MYOZ2: variants seen among roughly 807,000 people sequenced by gnomAD.
MYOZ2 encodes myozenin 2.
Under a neutral mutation model 25.4 loss-of-function variants are expected in MYOZ2, and 19 were observed. The ratio of observed to expected loss-of-function variants is 0.75; its 90% CI spans 0.52 to 1.10. MYOZ2 has a LOEUF of 1.10. Among genes scored for constraint, MYOZ2 ranks in the 50% least tolerant of loss-of-function variants. MYOZ2 has a pLI of 0.00. For synonymous variants in MYOZ2, 92 were observed against 106.9 expected (o/e 0.86, Z 0.86); for missense variants, 270 against 317.9 (o/e 0.85, Z 1.15).
chr4:119,171,780 G>C (rs1436695799), intron 5 of MYOZ2, among the ~76,000 whole-genome samples: 2 of 148,380 alleles, frequency 1.3e-5, no homozygotes, highest in Admixed American at 6.8e-5. Context: ...ACTTTATTCT[G>C]ATATATCTAT....
At chr4:119,185,075 C>T (rs1742261852) in intron 5 of MYOZ2, among the ~76,000 whole-genome samples, 1 of 152,072 alleles carries the variant, frequency 6.6e-6, no homozygotes, top group African/African-American at 2.4e-5. Flanking sequence ...TTTTATTTTC[C>T]TTTTCTTTCC....
At chr4:119,159,079 A>G (rs887853025) in intron 4 of MYOZ2, among the ~76,000 whole-genome samples, 2 of 152,182 alleles carry the variant, frequency 1.3e-5, no homozygotes, top group Admixed American at 1.3e-4. Context: ...CCATAAATAT[A>G]TACACCTATT....
intron 2 of MYOZ2, among the ~76,000 whole-genome samples, chr4:119,146,556 T>C (rs1048076491): frequency 6.6e-6 from 1 of 152,150 alleles, no homozygotes; most frequent in African/African-American, 2.4e-5. Context: ...CTGTTACTAA[T>C]TTCTAGTTCG....
At chr4:119,166,863 C>A (rs1001032481) in intron 5 of MYOZ2, among the ~76,000 whole-genome samples, 6 of 152,168 alleles carry the variant, frequency 3.9e-5, no homozygotes, top group Non-Finnish European at 8.8e-5. Flanking sequence ...ATGAACCATG[C>A]CCATGTAAAA....
At chr4:119,177,379 A>G (rs1578370269) in intron 5 of MYOZ2, among the ~76,000 whole-genome samples, 1 of 152,220 alleles carries the variant, frequency 6.6e-6, no homozygotes, top group Non-Finnish European at 1.5e-5. Flanking sequence ...ATTACCACAA[A>G]TCTCAGCACT....
At chr4:119,160,385 G>A (rs909166584) in intron 4 of MYOZ2, among the ~76,000 whole-genome samples, 1 of 151,544 alleles carries the variant, frequency 6.6e-6, no homozygotes, top group African/African-American at 2.4e-5. Flanking sequence ...ATACAATTTA[G>A]TGCTGTCATT....
intron 2 of MYOZ2, among the ~76,000 whole-genome samples, chr4:119,146,948 C>T (rs1741314560): frequency 6.6e-6 from 1 of 152,066 alleles, no homozygotes; most frequent in South Asian, 2.1e-4. Context: ...TGGATTCGCA[C>T]TTTAATCATT....
At chr4:119,138,276 T>C (rs1210312738) in intron 2 of MYOZ2, among the ~76,000 whole-genome samples, 1 of 152,170 alleles carries the variant, frequency 6.6e-6, no homozygotes, top group Non-Finnish European at 1.5e-5. Flanking sequence ...TCTGTCTTTG[T>C]TGGAATGTCA....
intron 2 of MYOZ2, among the ~76,000 whole-genome samples, chr4:119,150,369 G>A (rs1242196884): frequency 1.3e-5 from 2 of 152,032 alleles, no homozygotes; most frequent in Non-Finnish European, 2.9e-5. Flanking sequence ...CTTATCATCT[G>A]CCTACTTTAT....
chr4:119,141,641 C>G (rs903304371), intron 2 of MYOZ2, among the ~76,000 whole-genome samples: 1 of 152,178 alleles, frequency 6.6e-6, no homozygotes, highest in Non-Finnish European at 1.5e-5. Flanking sequence ...CTCAGCCTCC[C>G]AAAGTGCTGG....
At chr4:119,175,490 G>C (rs1055775339) in intron 5 of MYOZ2, among the ~76,000 whole-genome samples, 2 of 152,194 alleles carry the variant, frequency 1.3e-5, no homozygotes, top group African/African-American at 4.8e-5. Context: ...GCCAGGTGCA[G>C]TGGGTCACAC....
chr4:119,170,334 T>TA (rs1244293915), intron 5 of MYOZ2, among the ~76,000 whole-genome samples: 1 of 151,496 alleles, frequency 6.6e-6, no homozygotes, highest in Non-Finnish European at 1.5e-5. Context: ...GTCCTCATGC[T>TA]AAAAAAAATT....
chr4:119,164,089 GA>G, intron 4 of MYOZ2, 121 bp from the exon 5 acceptor site: 1 of 926,814 alleles, frequency 1.1e-6, no homozygotes, highest in Non-Finnish European at 1.7e-6. Flanking sequence ...AAGGGATCAT[GA>G]AAAGGATGCA....
Position 119,163,531 on chromosome 4 carries a change from GAAAA to G in MYOZ2, c.377-679_377-676del, listed in dbSNP as rs1741752817. On this transcript the variant is annotated intron_variant, in intron 4 of 5. Coordinates refer to ENST00000307128, the MANE Select transcript of MYOZ2 (RefSeq NM_016599.5). The stretch of plus-strand genomic sequence containing the variant: ...CCGTGACTTTTAAACAGTATTTACA[GAAAA>G]TTCCCAGCTGTTATGGGAAGAATAA... 2.0e-5 allele frequency among the ~76,000 whole-genome samples: 3 copies of G among 152,206 alleles called. No individual in the cohort carries two copies. In the East Asian group the frequency reaches 5.8e-4, roughly 29 times the overall value.
chr4:119,136,625 C>T, intron 2 of MYOZ2, 24 bp downstream of exon 2: 1 of 1,595,130 alleles, frequency 6.3e-7, no homozygotes, highest in African/African-American at 1.3e-5. Flanking sequence ...TCCTTCGTAG[C>T]ATTAATATAG....
intron 2 of MYOZ2, among the ~76,000 whole-genome samples, chr4:119,143,822 G>T (rs546317992): frequency 1.3e-5 from 2 of 152,168 alleles, no homozygotes; most frequent in Non-Finnish European, 2.9e-5. Context: ...TTTCCGACTG[G>T]CTTCTTTTAC....
At chr4:119,175,713 C>T (rs997708007) in intron 5 of MYOZ2, among the ~76,000 whole-genome samples, 7 of 151,318 alleles carry the variant, frequency 4.6e-5, no homozygotes, top group African/African-American at 1.7e-4. Context: ...GATTGTCCCA[C>T]TGCACTCCAG....
At chr4:119,164,170 C>A in intron 4 of MYOZ2, 41 bp from the exon 5 acceptor site, 1 of 1,573,436 alleles carries the variant, frequency 6.4e-7, no homozygotes, top group South Asian at 1.1e-5. Flanking sequence ...TAGTAACTCT[C>A]GGGCACAGTA....
rs1578736514 is a variant in MYOZ2, at chr4:119,160,943, C to A, written c.376+2792C>A. Among the ~76,000 whole-genome samples, 5 of 151,444 alleles carry A rather than the reference C, an allele frequency of 3.3e-5. No individual in the cohort carries two copies. The South Asian group carries it at 1.0e-3, about 31-fold the overall frequency. On this transcript the variant is annotated intron_variant, in intron 4 of 5. Coordinates refer to ENST00000307128, the MANE Select transcript of MYOZ2 (RefSeq NM_016599.5). ...TGTATATAAATTTATATATAAATAACTGTATTATTCTTATAACACCCTACA... is the reference window on the plus strand; with the variant it reads ...TGTATATAAATTTATATATAAATAAATGTATTATTCTTATAACACCCTACA...
Sources: gnomAD v4.1 joint callset for allele counts (sites outside exome capture counted in the v4.1 genomes callset) on GRCh38, gnomAD v4.1.1 for gene constraint, MANE v1.5 for transcripts, NCBI Gene and HGNC (gene_info 2026-07-23, HGNC 2026-07-21) for gene names.